GSK3B: variants seen among roughly 807,000 people sequenced by gnomAD.
GSK3B encodes the protein glycogen synthase kinase 3 beta, also known as glycogen synthase kinase-3 beta.
Under a neutral mutation model 56.4 loss-of-function variants are expected in GSK3B, and 15 were observed. The observed-to-expected ratio is 0.27, with a 90% CI of 0.18 to 0.41. The LOEUF (loss-of-function observed/expected upper bound fraction) is 0.41. GSK3B is among the 10% of genes least tolerant of loss of function. The probability of loss-of-function intolerance (pLI) is 1.00; values close to 1 mark genes in which losing one functional copy is unlikely to be tolerated. For missense variants in GSK3B, 300 were observed against 513.4 expected (o/e 0.58, Z 4.02); for synonymous variants, 181 against 188.9 (o/e 0.96, Z 0.34).
At chr3:119,915,045 T>C (rs187120911) in intron 5 of GSK3B, among the ~76,000 whole-genome samples, 1 of 152,188 alleles carries the variant, frequency 6.6e-6, no homozygotes, top group Admixed American at 6.5e-5. Flanking sequence ...GCGGGGTAAC[T>C]GCCTGAGTTA....
intron 7 of GSK3B, among the ~76,000 whole-genome samples, chr3:119,882,007 G>A (rs1334126659): frequency 6.6e-6 from 1 of 152,152 alleles, no homozygotes; most frequent in Non-Finnish European, 1.5e-5. Context: ...CCAGGCATGT[G>A]GAACTGTAAG....
At chr3:119,894,752 A>T (rs558039340) in intron 7 of GSK3B, among the ~76,000 whole-genome samples, 2 of 152,218 alleles carry the variant, frequency 1.3e-5, no homozygotes, top group East Asian at 3.9e-4. Flanking sequence ...GACAAAGTCC[A>T]ATTTACTTCT....
At chr3:119,982,123 G>A (rs565236923) in intron 2 of GSK3B, among the ~76,000 whole-genome samples, 1 of 152,316 alleles carries the variant, frequency 6.6e-6, no homozygotes, top group Admixed American at 6.5e-5. Context: ...GCAGCTGAGG[G>A]ATCTGTTAGA....
chr3:119,880,404 T>A (rs1026831761), intron 7 of GSK3B, among the ~76,000 whole-genome samples: 2 of 152,216 alleles, frequency 1.3e-5, no homozygotes, highest in Non-Finnish European at 2.9e-5. Flanking sequence ...ATTTTGTGAA[T>A]TGTCTCTTCA....
intron 9 of GSK3B, among the ~76,000 whole-genome samples, chr3:119,855,560 C>T (rs1260233690): frequency 2.0e-5 from 3 of 152,086 alleles, no homozygotes; most frequent in Admixed American, 6.6e-5. Context: ...TTCACAATAG[C>T]GAAGACTTGG....
chr3:120,031,640 A>G (rs2057976798), intron 1 of GSK3B, among the ~76,000 whole-genome samples: 1 of 152,162 alleles, frequency 6.6e-6, no homozygotes, highest in Admixed American at 6.5e-5. Flanking sequence ...GTGACAAACC[A>G]ATTTTACTTA....
At chr3:120,025,094 CAT>C (rs2057911879) in intron 1 of GSK3B, among the ~76,000 whole-genome samples, 1 of 152,066 alleles carries the variant, frequency 6.6e-6, no homozygotes, top group Non-Finnish European at 1.5e-5. Context: ...TGTGGTGGCT[CAT>C]GTCTGTAATC....
chr3:120,043,125 G>A (rs966794470), intron 1 of GSK3B, among the ~76,000 whole-genome samples: 4 of 152,100 alleles, frequency 2.6e-5, no homozygotes, highest in Non-Finnish European at 4.4e-5. Context: ...TGGGGATCAC[G>A]TCCTCATCAA....
At chr3:120,048,756 A>T (rs1205823471) in intron 1 of GSK3B, among the ~76,000 whole-genome samples, 1 of 152,224 alleles carries the variant, frequency 6.6e-6, no homozygotes, top group Non-Finnish European at 1.5e-5. Flanking sequence ...GGATCCTAAC[A>T]GCTAATGTCA....
intron 2 of GSK3B, among the ~76,000 whole-genome samples, chr3:119,964,118 G>C (rs4688048): frequency 0.11 from 16,591 of 152,172 alleles, 1,193 homozygotes; most frequent in East Asian, 0.34. Context: ...CTGACAAGGA[G>C]TTAATTTCAG....
chr3:120,079,044 C>G (rs1368963993), intron 1 of GSK3B, among the ~76,000 whole-genome samples: 1 of 149,000 alleles, frequency 6.7e-6, no homozygotes, highest in East Asian at 2.0e-4. Flanking sequence ...CAGGTTCAAA[C>G]GATTCTCCTG....
At chr3:119,927,589 A>C (rs1227985493) in intron 3 of GSK3B, among the ~76,000 whole-genome samples, 2 of 152,186 alleles carry the variant, frequency 1.3e-5, no homozygotes, top group Admixed American at 1.3e-4. Context: ...TGAAGGAAAA[A>C]TTATTTGAAC....
intron 9 of GSK3B, among the ~76,000 whole-genome samples, chr3:119,858,694 C>T (rs2056056859): frequency 6.6e-6 from 1 of 152,200 alleles, no homozygotes. Flanking sequence ...CACAATGGGC[C>T]TAGCTTTTGG....
intron 3 of GSK3B, among the ~76,000 whole-genome samples, chr3:119,943,114 T>C (rs1386714391): frequency 6.6e-6 from 1 of 152,218 alleles, no homozygotes; most frequent in East Asian, 1.9e-4. Context: ...GATTATCCAC[T>C]ATCCCTAAAG....
intron 3 of GSK3B, among the ~76,000 whole-genome samples, chr3:119,930,510 G>A (rs7639675): frequency 0.018 from 2,764 of 152,216 alleles, 89 homozygotes; most frequent in African/African-American, 0.063. Flanking sequence ...GATTGACACA[G>A]ACCTAGAAGA....
chr3:120,068,253 TGG>T (rs1480791710), intron 1 of GSK3B, among the ~76,000 whole-genome samples: 1 of 151,698 alleles, frequency 6.6e-6, no homozygotes, highest in African/African-American at 2.4e-5. Context: ...TAGCCAGACA[TGG>T]TGGCACGCGC....
intron 1 of GSK3B, among the ~76,000 whole-genome samples, chr3:120,087,530 T>C (rs1229924829): frequency 3.4e-5 from 5 of 146,064 alleles, no homozygotes; most frequent in Admixed American, 1.3e-4. Context: ...AGACTCCATC[T>C]CAAAAAAAAA....
chr3:119,836,610 T>C (rs1042613602), intron 10 of GSK3B, among the ~76,000 whole-genome samples: 1 of 152,174 alleles, frequency 6.6e-6, no homozygotes, highest in Non-Finnish European at 1.5e-5. Context: ...ACTTTTTTTT[T>C]AATGGAAAAA....
chr3:120,094,381 C>T lies in GSK3B; in HGVS notation c.-947G>A. 2 of 300,744 alleles carry T rather than the reference C, an allele frequency of 6.7e-6. No homozygotes were observed. The highest frequency in any genetic ancestry group is 1.2e-5 in the Non-Finnish European group (2 of 161,404). 18.6% of individuals were successfully genotyped at this position (300,744 alleles called of 1,614,324 possible). A position where few individuals can be genotyped will look rare whatever the true frequency, so the allele number is the denominator to read the frequency against. On this transcript the variant is annotated 5_prime_UTR_variant, in exon 1 of 11. Transcript: ENST00000264235. ...CTTCCTTCCTTCCTTTGTCACTTGG[C>T]CCGGGCGGCGGCGGCGGCGGCGGCG...
Sources: gnomAD v4.1 joint callset for allele counts (sites outside exome capture counted in the v4.1 genomes callset) on GRCh38, gnomAD v4.1.1 for gene constraint, MANE v1.5 for transcripts, NCBI Gene and HGNC (gene_info 2026-07-23, HGNC 2026-07-21) for gene names.